The following SGCZ variants were observed in gnomAD, a reference collection of about 807,000 sequenced individuals.
SGCZ encodes the protein zeta-sarcoglycan.
In SGCZ, 40 loss-of-function variants were observed where a neutral mutation model predicts 41.3. The ratio of observed to expected loss-of-function variants is 0.97; its 90% CI spans 0.75 to 1.26. The LOEUF (loss-of-function observed/expected upper bound fraction) is 1.26. SGCZ is among the 50% of genes most tolerant of loss of function. The pLI is 0.00. For synonymous variants in SGCZ, 206 were observed against 137.5 expected (o/e 1.50, Z -3.49); for missense variants, 552 against 369.8 (o/e 1.49, Z -4.04).
rs1235635675 is a variant in SGCZ, at chr8:14,539,132, C to A, written c.234+15600G>T. 2.6e-5 allele frequency among the ~76,000 whole-genome samples: 4 copies of A among 151,990 alleles called. No homozygotes were observed. In the East Asian group the frequency reaches 7.7e-4, roughly 29 times the overall value. On this transcript the variant is annotated intron_variant, in intron 2 of 7. Transcript: ENST00000382080. ...AATTTAAAAGAAAGAAGACTGACTT[C>A]CCCAGAGGAAGATAGAATTCGGCCA...
chr8:14,325,745 C>CAT (rs1802078502), intron 2 of SGCZ, among the ~76,000 whole-genome samples: 2 of 25,506 alleles, frequency 7.8e-5, no homozygotes, highest in Non-Finnish European at 1.2e-4. Context: ...CACACACACA[C>CAT]ACATATATAT....
intron 1 of SGCZ, among the ~76,000 whole-genome samples, chr8:14,863,503 T>C (rs1173558420): frequency 6.6e-6 from 1 of 151,866 alleles, no homozygotes; most frequent in Non-Finnish European, 1.5e-5. Flanking sequence ...AATAGTGAGG[T>C]TTCTAGCGCT....
intron 1 of SGCZ, among the ~76,000 whole-genome samples, chr8:15,199,370 T>TC (rs889243309): frequency 2.0e-5 from 3 of 152,136 alleles, no homozygotes; most frequent in African/African-American, 7.2e-5. Flanking sequence ...AGTAATTTAA[T>TC]CCCCCATTAA....
intron 2 of SGCZ, among the ~76,000 whole-genome samples, chr8:14,411,562 T>C (rs1352846960): frequency 6.6e-6 from 1 of 152,108 alleles, no homozygotes; most frequent in Non-Finnish European, 1.5e-5. Context: ...GAGAAATATA[T>C]ACTTCCAAAG....
chr8:14,578,888 T>C (rs563088782), intron 1 of SGCZ, among the ~76,000 whole-genome samples: 2 of 152,194 alleles, frequency 1.3e-5, no homozygotes, highest in South Asian at 2.1e-4. Flanking sequence ...TTAATTTTAA[T>C]TGTTGAAAAT....
At chr8:14,479,745 T>C (rs879422940) in intron 2 of SGCZ, among the ~76,000 whole-genome samples, 46,709 of 101,758 alleles carry the variant, frequency 0.46, 7,448 homozygotes, top group Middle Eastern at 0.52. Context: ...TTTTTTTTTT[T>C]TTTTTTTTTT....
intron 7 of SGCZ, among the ~76,000 whole-genome samples, chr8:14,100,141 T>TTTAAGTGCTGTGCCTTTCTGTACTTTTA (rs1801968689): frequency 6.6e-6 from 1 of 152,048 alleles, no homozygotes; most frequent in African/African-American, 2.4e-5. Context: ...TACATGCTGT[T>TTTAAGTGCTGTGCCTTTCTGTACTTTTA]TTAAGTGCTG....
At chr8:14,518,233 C>A (rs1266861999) in intron 2 of SGCZ, among the ~76,000 whole-genome samples, 1 of 151,856 alleles carries the variant, frequency 6.6e-6, no homozygotes, top group African/African-American at 2.4e-5. Context: ...ATAAAGCTTG[C>A]TATTGTTGGA....
rs1036966519 is a variant in SGCZ at position 14,137,558 on chromosome 8, C to T, written c.547+27022G>A. On this transcript the variant is annotated intron_variant, in intron 5 of 7. Coordinates refer to ENST00000382080, the MANE Select transcript of SGCZ (RefSeq NM_139167.4). ...CACAAGCTTCTGTAGATGATTCAAT[C>T]AAGTGGAAAAAAGGGTATCAGTGAT... Among the ~76,000 whole-genome samples the T allele has an allele frequency of 5.9e-5, 9 of 151,850 alleles. No individual in the cohort carries two copies. The East Asian group carries it at 1.7e-3, about 29-fold the overall frequency.
intron 1 of SGCZ, among the ~76,000 whole-genome samples, chr8:14,676,574 G>A (rs1390233801): frequency 1.3e-5 from 2 of 152,204 alleles, no homozygotes; most frequent in East Asian, 1.9e-4. Flanking sequence ...CAGGAAAATA[G>A]TCCAACATTA....
chr8:14,729,083 T>C (rs1810149700), intron 1 of SGCZ, among the ~76,000 whole-genome samples: 1 of 152,170 alleles, frequency 6.6e-6, no homozygotes, highest in Non-Finnish European at 1.5e-5. Context: ...CATATTACCA[T>C]GTGACAAATT....
chr8:14,365,481 T>G (rs1203826232), intron 2 of SGCZ, among the ~76,000 whole-genome samples: 2 of 152,148 alleles, frequency 1.3e-5, no homozygotes, highest in East Asian at 3.9e-4. Context: ...TACAGTTTTG[T>G]TCATTGATTT....
intron 2 of SGCZ, among the ~76,000 whole-genome samples, chr8:14,479,138 G>C (rs1343962114): frequency 6.6e-6 from 1 of 152,168 alleles, no homozygotes; most frequent in Admixed American, 6.5e-5. Context: ...TCAGCAAGCT[G>C]AGAAGCAAGG....
chr8:14,656,060 G>C (rs1455889527), intron 1 of SGCZ, among the ~76,000 whole-genome samples: 5 of 152,018 alleles, frequency 3.3e-5, no homozygotes, highest in Non-Finnish European at 7.4e-5. Context: ...AGCTTCTGTA[G>C]GCATTTGTGT....
intron 5 of SGCZ, among the ~76,000 whole-genome samples, chr8:14,125,648 C>T (rs928735094): frequency 6.6e-6 from 1 of 152,038 alleles, no homozygotes; most frequent in Non-Finnish European, 1.5e-5. Context: ...CATATGCAAC[C>T]AGAAAAGAAC....
At chr8:14,722,001 T>C (rs1444867591) in intron 1 of SGCZ, among the ~76,000 whole-genome samples, 1 of 152,170 alleles carries the variant, frequency 6.6e-6, no homozygotes, top group African/African-American at 2.4e-5. Flanking sequence ...TCTATGATTC[T>C]CCCCATCATT....
chr8:14,451,875 C>G (rs1446799450), intron 2 of SGCZ, among the ~76,000 whole-genome samples: 1 of 152,152 alleles, frequency 6.6e-6, no homozygotes. Flanking sequence ...CTCATTGATT[C>G]CTGGTGGAAA....
chr8:14,633,212 T>C (rs1029127454), intron 1 of SGCZ, among the ~76,000 whole-genome samples: 15 of 151,990 alleles, frequency 9.9e-5, no homozygotes, highest in African/African-American at 3.6e-4. Context: ...CATTATTCTA[T>C]ATGTCTTGCT....
intron 1 of SGCZ, among the ~76,000 whole-genome samples, chr8:14,862,709 A>G (rs965821300): frequency 6.6e-6 from 1 of 151,576 alleles, no homozygotes; most frequent in Admixed American, 6.6e-5. Flanking sequence ...ATTAGAAGAA[A>G]TAATGTAGTG....
Sources: allele counts gnomAD v4.1 joint callset (sites outside exome capture counted in the v4.1 genomes callset), GRCh38; gene constraint gnomAD v4.1.1; transcripts MANE v1.5; gene names NCBI Gene and HGNC (gene_info 2026-07-23, HGNC 2026-07-21).